Variants in ATR observed in about 807,000 individuals in gnomAD.
ATR encodes the protein serine/threonine-protein kinase ATR.
In ATR, 142 loss-of-function variants were observed where a neutral mutation model predicts 305.3. The ratio of observed to expected loss-of-function variants is 0.47; its 90% CI spans 0.41 to 0.53. ATR has a LOEUF of 0.53. ATR is among the 20% of genes least tolerant of loss of function. The pLI is 0.00. For missense variants in ATR, 2,135 were observed against 3,133.1 expected, an observed-to-expected ratio of 0.68 and a Z score of 7.60; for synonymous variants, 1,050 against 1,068.1, an observed-to-expected ratio of 0.98 and a Z score of 0.33.
rs551982870 is a variant in ATR, at chr3:142,454,473, C to T, written c.7656-1240G>A. Among the ~76,000 whole-genome samples the T allele has an allele frequency of 8.5e-3, 1,059 of 124,722 alleles. 17 individuals are homozygous for T. The highest frequency in any genetic ancestry group is 0.034 in the African/African-American group (992 of 29,002). 81.8% of individuals were successfully genotyped at this position (124,722 alleles called of 152,430 possible). ...TTTTTTTTTTTTTGAGACGGAGTCT[C>T]GCTGTCGCCCAGGCTGGAGTGCAGT... is the stretch of plus-strand genomic sequence containing the variant. On this transcript the variant is annotated intron_variant, in intron 45 of 46. Coordinates refer to ENST00000350721, the MANE Select transcript of ATR (RefSeq NM_001184.4).
chr3:142,571,662 A>G (rs2035266630), intron 1 of ATR, among the ~76,000 whole-genome samples: 1 of 152,184 alleles, frequency 6.6e-6, no homozygotes, highest in African/African-American at 2.4e-5. Flanking sequence ...AAATAATAGC[A>G]TATATTTCAT....
At chr3:142,556,659 C>T (rs1406101061) in intron 8 of ATR, 84 bp from the exon 9 acceptor site, 15 of 1,273,202 alleles carry the variant, frequency 1.2e-5, no homozygotes, top group South Asian at 1.1e-4. Flanking sequence ...AGTAAAGTAA[C>T]ATTTGTGTAT....
At chr3:142,550,768 C>G (rs2108457567) in intron 13 of ATR, among the ~76,000 whole-genome samples, 1 of 151,936 alleles carries the variant, frequency 6.6e-6, no homozygotes, top group Middle Eastern at 3.4e-3. Context: ...AAACTATAAA[C>G]AAAATACATC....
chr3:142,535,137 A>G lies in ATR; in HGVS notation c.3888T>C (p.Asn1296=), dbSNP rs143268462. The change falls in exon 21 of 47, where the codon AAT becomes AAC. Residue 1296 remains asparagine, a synonymous_variant. Transcript: ENST00000350721. ...TAAGAGCATGAATACGAACATCGAC[A>G]TTTTCATGTTGAATGGCCTTCATAG... The part of the protein sequence containing the change: ...QLSMKAIQHE[N]VDVRIHALTS... 497 of 1,613,120 alleles carry G rather than the reference A, an allele frequency of 3.1e-4. No individual in the cohort carries two copies. Among genetic ancestry groups the G allele is most frequent in the Non-Finnish European group, 4.0e-4 (477 of 1,179,454 alleles).
intron 27 of ATR, among the ~76,000 whole-genome samples, chr3:142,510,635 GAAC>G (rs2032504288): frequency 6.6e-6 from 1 of 152,052 alleles, no homozygotes; most frequent in African/African-American, 2.4e-5. Flanking sequence ...TGCTTCAACA[GAAC>G]AAGAGGGAGA....
At position 142,547,159 on chromosome 3, in the gene ATR, TAAAC is replaced by T. The variant is rs2034298031; in HGVS notation, c.3357+562_3357+565del. Among the ~76,000 whole-genome samples, 17 of 152,266 alleles carry T rather than the reference TAAAC, an allele frequency of 1.1e-4. 1 individual carries two copies. The South Asian group carries it at 3.5e-3, about 32-fold the overall frequency. Reference sequence around the variant, plus strand: ...GATTTACATATTTTTTTAAGATAGATAAACAGTAAAGTGATTTCAAATACAAATT... The same window carrying T: ...GATTTACATATTTTTTTAAGATAGATAGTAAAGTGATTTCAAATACAAATT... On this transcript the variant is annotated intron_variant, in intron 16 of 46. Transcript: ENST00000350721.
At chr3:142,472,854 G>T (rs148348015) in intron 36 of ATR, among the ~76,000 whole-genome samples, 157 of 152,158 alleles carry the variant, frequency 1.0e-3, no homozygotes, top group Admixed American at 4.1e-3. Flanking sequence ...TGCCCAGGCT[G>T]GTCTTGAACT....
chr3:142,542,900 C>T, intron 16 of ATR, 143 bp from the exon 17 acceptor site: 1 of 711,992 alleles, frequency 1.4e-6, no homozygotes. Flanking sequence ...AATTAAGTTT[C>T]TCCAAAAGCA....
chr3:142,572,206 A>G (rs1207190222), intron 1 of ATR, among the ~76,000 whole-genome samples: 1 of 151,400 alleles, frequency 6.6e-6, no homozygotes, highest in Non-Finnish European at 1.5e-5. Flanking sequence ...AGTAGCTGGG[A>G]CTACAGGCAC....
chr3:142,546,927 C>T (rs758662627), intron 16 of ATR, among the ~76,000 whole-genome samples: 22 of 152,122 alleles, frequency 1.4e-4, no homozygotes, highest in Non-Finnish European at 2.1e-4. Flanking sequence ...TCTTAATGAA[C>T]TTATGTCTAG....
At chr3:142,516,984 A>ATATATAT (rs2032892222) in intron 24 of ATR, among the ~76,000 whole-genome samples, 3 of 139,130 alleles carry the variant, frequency 2.2e-5, no homozygotes, top group African/African-American at 5.5e-5. Flanking sequence ...ATACCCAAAT[A>ATATATAT]ATATATATAT....
At chr3:142,492,152 G>C (rs542352655) in intron 35 of ATR, among the ~76,000 whole-genome samples, 2 of 152,218 alleles carry the variant, frequency 1.3e-5, no homozygotes, top group East Asian at 1.9e-4. Flanking sequence ...TTCTAGTATG[G>C]ATATAGAGTA....
chr3:142,479,195 C>T (rs1206674634), intron 36 of ATR, among the ~76,000 whole-genome samples: 2 of 152,112 alleles, frequency 1.3e-5, no homozygotes, highest in African/African-American at 4.8e-5. Flanking sequence ...ATGGTCTTTA[C>T]AATTTGGCAT....
chr3:142,515,413 T>C lies in ATR; in HGVS notation c.4485A>G (p.Ala1495=), dbSNP rs1344558930. 5 of 1,613,976 alleles carry C rather than the reference T, an allele frequency of 3.1e-6. No individual in the cohort carries two copies. The highest frequency in any genetic ancestry group is 1.1e-5 in the South Asian group (1 of 91,060). ...SNFAEWSASW[A]GYLITKVRHD... is the part of the protein sequence containing the mutation. ...TTCTTACCTTTGTAATAAGATAACC[T>C]GCCCAAGATGCTGACCATTCTGCAA... is the stretch of plus-strand genomic sequence containing the variant. Residue 1495 remains alanine (A), a synonymous_variant, in exon 25 of 47, where the codon GCA becomes GCG. Coordinates refer to ENST00000350721, the MANE Select transcript of ATR (RefSeq NM_001184.4).
At chr3:142,483,654 T>C (rs1339106430) in intron 36 of ATR, among the ~76,000 whole-genome samples, 3 of 151,840 alleles carry the variant, frequency 2.0e-5, no homozygotes, top group South Asian at 2.1e-4. Context: ...CTGACCAACA[T>C]GGTGAAACCC....
At position 142,562,854 on chromosome 3, in the gene ATR, T is replaced by A. The variant is rs373859192; in HGVS notation, c.548A>T (p.Asp183Val). The A allele has an allele frequency of 3.7e-6, 6 of 1,609,778 alleles. No individual in the cohort carries two copies. The African/African-American group carries it at 8.0e-5, about 22-fold the overall frequency. Residue 183 changes from aspartate (D) to valine (V), a missense_variant, in exon 4 of 47, where the codon GAT (aspartate) becomes GTT (valine). Around this residue, in one of 9 missense-constraint regions of ATR, gnomAD observed 744 missense variants for 873.2 expected, o/e 0.85. Coordinates refer to ENST00000350721, the MANE Select transcript of ATR (RefSeq NM_001184.4). ...VVMSRFLSQL[D>V]EHMGYLQSAP... ...TGATTGTAAATATCCCATGTGTTCA[T>A]CTAATTGACTTAAAAATCGGCTCAT...
At chr3:142,538,446 A>C (rs1312757423) in intron 19 of ATR, 36 bp downstream of exon 19, 1 of 1,590,052 alleles carries the variant, frequency 6.3e-7, no homozygotes. Context: ...ACAGTTTAAA[A>C]AGTTATTATT....
chr3:142,562,932 AC>A lies in ATR; in HGVS notation c.469del (p.Val157PhefsTer8). On this transcript the variant is annotated frameshift_variant, in exon 4 of 47. Transcript: ENST00000350721. LOFTEE classifies it high-confidence loss of function. ...KELLQLFEDLVYLHRRNVMGH... is the reference protein window; with the variant it reads ...KELLQLFEDLXYLHRRNVMGH... ...CATCACATTTCTTCTATGGAGGTAA[AC>A]CAAGTCTTCAAAAAGTTGTAATAAT... 1 of 1,613,318 alleles carries A rather than the reference AC, an allele frequency of 6.2e-7. No homozygotes were observed. Among genetic ancestry groups the A allele is most frequent in the Non-Finnish European group, 8.5e-7 (1 of 1,179,798 alleles).
intron 4 of ATR, 126 bp from the exon 5 acceptor site, chr3:142,561,547 G>A: frequency 1.1e-6 from 1 of 951,204 alleles, no homozygotes; most frequent in South Asian, 1.6e-5. Context: ...GTCTCATAAA[G>A]CAAAATAAAC....
Sources: allele counts gnomAD v4.1 joint callset (sites outside exome capture counted in the v4.1 genomes callset), GRCh38; gene constraint gnomAD v4.1.1; regional missense constraint gnomAD v4.1.1; transcripts MANE v1.5; gene names NCBI Gene and HGNC (gene_info 2026-07-23, HGNC 2026-07-21).